The following SHANK2 variants were observed in gnomAD, a reference collection of about 807,000 sequenced individuals.
The protein encoded by SHANK2 is SH3 and multiple ankyrin repeat domains 2, also known as SH3 and multiple ankyrin repeat domains protein 2.
Under a neutral mutation model 133.7 loss-of-function variants are expected in SHANK2, and 43 were observed. That is an observed-to-expected ratio of 0.32 (90% CI 0.25 to 0.41). The LOEUF is 0.41. SHANK2 is among the 10% of genes least tolerant of loss of function. SHANK2 has a pLI of 1.00. For missense variants in SHANK2, 1,994 were observed against 2,235.8 expected (o/e 0.89, Z 2.18); for synonymous variants, 1,017 against 952.8 (o/e 1.07, Z -1.24).
chr11:70,519,422 T>C (rs2059303216), intron 17 of SHANK2, among the ~76,000 whole-genome samples: 1 of 152,100 alleles, frequency 6.6e-6, no homozygotes, highest in Admixed American at 6.5e-5. Context: ...GGGAAGCAGG[T>C]GGACCATCTG....
intron 17 of SHANK2, among the ~76,000 whole-genome samples, chr11:70,540,121 TTTCCAA>T (rs1221905590): frequency 6.6e-6 from 1 of 152,182 alleles, no homozygotes. Flanking sequence ...AATGTCCCAA[TTTCCAA>T]GCAAGACCTC....
chr11:71,074,015 G>A (rs1951185932), intron 9 of SHANK2, among the ~76,000 whole-genome samples: 1 of 152,176 alleles, frequency 6.6e-6, no homozygotes, highest in Non-Finnish European at 1.5e-5. Context: ...GGACAGCATG[G>A]AGGCGTGGCA....
chr11:70,880,664 G>C (rs1555072255), intron 11 of SHANK2, among the ~76,000 whole-genome samples: 1 of 152,214 alleles, frequency 6.6e-6, no homozygotes, highest in African/African-American at 2.4e-5. Context: ...TGCTGGGATG[G>C]GGAGACCCTG....
chr11:70,483,472 G>A (rs2058761528), intron 25 of SHANK2, among the ~76,000 whole-genome samples: 1 of 147,208 alleles, frequency 6.8e-6, no homozygotes, highest in Admixed American at 6.9e-5. Context: ...GCTGAGGTGA[G>A]TGGTTCGTTT....
intron 8 of SHANK2, among the ~76,000 whole-genome samples, chr11:71,075,707 G>T (rs1378989001): frequency 6.6e-6 from 1 of 152,178 alleles, no homozygotes; most frequent in East Asian, 1.9e-4. Flanking sequence ...AGCACAAAAT[G>T]GCCAGGAGAG....
At chr11:71,217,859 T>C (rs782308901) in intron 2 of SHANK2, among the ~76,000 whole-genome samples, 6 of 152,206 alleles carry the variant, frequency 3.9e-5, no homozygotes, top group Non-Finnish European at 8.8e-5. Flanking sequence ...AGGTTTTTTG[T>C]TTGTTTTTTG....
rs574954400 is a variant in SHANK2, at chr11:70,804,626, G to A, written c.1663+2376C>T. On this transcript the variant is annotated intron_variant, in intron 13 of 25. Transcript: ENST00000601538. The surrounding 1 kb of genome is among the most constrained non-coding windows in gnomAD (Gnocchi z 4.1). ...TGGGGAGGGGCAGAGAGGCTGAGGA[G>A]GCCCAGTCCTGGGGCCTGGATAGGA... Among the ~76,000 whole-genome samples the A allele has an allele frequency of 3.3e-5, 5 of 152,254 alleles. No homozygotes were observed. Among genetic ancestry groups the A allele is most frequent in the African/African-American group, 1.2e-4 (5 of 41,542 alleles).
At chr11:70,795,571 A>AATTTTTG (rs1947893377) in intron 14 of SHANK2, among the ~76,000 whole-genome samples, 1 of 151,904 alleles carries the variant, frequency 6.6e-6, no homozygotes, top group Non-Finnish European at 1.5e-5. Context: ...ATGTCCGGCT[A>AATTTTTG]ATTTTTGCAT....
chr11:70,589,649 C>T (rs1429295985), intron 17 of SHANK2, among the ~76,000 whole-genome samples: 2 of 152,280 alleles, frequency 1.3e-5, no homozygotes, highest in African/African-American at 2.4e-5. Flanking sequence ...ATTCCTCTGA[C>T]GGATCTCGGC....
intron 14 of SHANK2, among the ~76,000 whole-genome samples, chr11:70,743,043 G>C (rs1946562389): frequency 6.6e-6 from 1 of 152,188 alleles, no homozygotes; most frequent in Non-Finnish European, 1.5e-5. Context: ...TGGGACCTGA[G>C]AGGGGATCAG....
rs188189775 is a variant in SHANK2, at chr11:71,126,352, G to A, written c.208-7320C>T. ...CTGAATATTGTAAGCCCACTGTTGA[G>A]ACCTAATGCTCAGAAAAAGAGATTC... On this transcript the variant is annotated intron_variant, in intron 3 of 25. Transcript: ENST00000601538. 7.2e-5 allele frequency among the ~76,000 whole-genome samples: 11 copies of A among 151,978 alleles called. No individual in the cohort carries two copies. The East Asian group carries it at 2.1e-3, about 29-fold the overall frequency.
intron 2 of SHANK2, among the ~76,000 whole-genome samples, chr11:71,220,459 T>C (rs1555120878): frequency 6.6e-6 from 1 of 152,146 alleles, no homozygotes; most frequent in African/African-American, 2.4e-5. Flanking sequence ...GGTGGATATC[T>C]TGAGGAGATA....
At chr11:70,911,068 C>T (rs776533863) in intron 10 of SHANK2, 1 of 456,984 alleles carries the variant, frequency 2.2e-6, no homozygotes, top group South Asian at 1.5e-5. Context: ...GGCATTCACC[C>T]CCAGACTTCC....
chr11:71,079,661 G>A (rs1951267134), intron 8 of SHANK2, among the ~76,000 whole-genome samples: 1 of 151,432 alleles, frequency 6.6e-6, no homozygotes, highest in Non-Finnish European at 1.5e-5. Flanking sequence ...TTGGGAGGCT[G>A]AGGCGGGAGA....
chr11:71,088,457 C>T (rs1163233653), intron 8 of SHANK2, among the ~76,000 whole-genome samples: 3 of 152,164 alleles, frequency 2.0e-5, no homozygotes, highest in African/African-American at 7.2e-5. Flanking sequence ...GAATCACCGA[C>T]TTTGAGTTGA....
intron 3 of SHANK2, among the ~76,000 whole-genome samples, chr11:71,125,947 C>T (rs1952175686): frequency 2.0e-5 from 3 of 152,088 alleles, no homozygotes; most frequent in South Asian, 2.1e-4. Flanking sequence ...CGGCCAGGCG[C>T]GGTGGCTCAC....
chr11:70,855,534 T>C (rs1276539696), intron 11 of SHANK2, among the ~76,000 whole-genome samples: 1 of 152,268 alleles, frequency 6.6e-6, no homozygotes, highest in African/African-American at 2.4e-5. Context: ...CCAGGGCATC[T>C]GCTTTAAAAA....
intron 2 of SHANK2, among the ~76,000 whole-genome samples, chr11:71,200,236 G>C (rs998665678): frequency 5.9e-5 from 9 of 152,152 alleles, no homozygotes; most frequent in Non-Finnish European, 1.5e-5. Flanking sequence ...TCTGTGTCTG[G>C]CTCCTTTCAC....
At chr11:70,522,559 T>C (rs924285592) in intron 17 of SHANK2, among the ~76,000 whole-genome samples, 1 of 152,182 alleles carries the variant, frequency 6.6e-6, no homozygotes, top group Non-Finnish European at 1.5e-5. Flanking sequence ...TCTCTGGTGG[T>C]ACCCCCTCTA....
Sources: allele counts gnomAD v4.1 joint callset (sites outside exome capture counted in the v4.1 genomes callset), GRCh38; gene constraint gnomAD v4.1.1; non-coding constraint Gnocchi (gnomAD v3.1); transcripts MANE v1.5; gene names NCBI Gene and HGNC (gene_info 2026-07-23, HGNC 2026-07-21).